The following AKR1E2 variants were observed in gnomAD, a reference collection of about 807,000 sequenced individuals.
The protein encoded by AKR1E2 is aldo-keto reductase family 1 member E2, also known as 1,5-anhydro-D-fructose reductase.
In AKR1E2, 43 loss-of-function variants were observed where a neutral mutation model predicts 41.9. The ratio of observed to expected loss-of-function variants is 1.03; its 90% CI spans 0.80 to 1.32. The LOEUF is 1.32. AKR1E2 is among the 40% of genes most tolerant of loss of function. The pLI is 0.00. For synonymous variants in AKR1E2, 121 were observed against 138.9 expected (o/e 0.87, Z 0.91); for missense variants, 423 against 396.5 (o/e 1.07, Z -0.57).
chr10:4,829,622 T>C (rs967651844), intron 1 of AKR1E2, among the ~76,000 whole-genome samples: 2 of 152,190 alleles, frequency 1.3e-5, no homozygotes, highest in African/African-American at 4.8e-5. Context: ...TCTTTAATAA[T>C]TATGTAACTA....
chr10:4,859,459 A>G, the AKR1E2 span, among the ~76,000 whole-genome samples: 48 of 152,244 alleles, frequency 3.2e-4, no homozygotes, highest in African/African-American at 1.2e-3. Flanking sequence ...GAGAGAAAGA[A>G]AAACAGTCAG....
At chr10:4,845,554 G>A (rs774111924) in intron 8 of AKR1E2, among the ~76,000 whole-genome samples, 4 of 151,482 alleles carry the variant, frequency 2.6e-5, no homozygotes, top group Non-Finnish European at 5.9e-5. Context: ...CTGCAGGGCA[G>A]CTAGGATTGC....
In AKR1E2 at chr10:4,833,442, CAT is replaced by C; in HGVS notation, c.302_303del (p.Ile101ThrfsTer19). 1.2e-6 allele frequency: 2 copies of C among 1,614,102 alleles called. No homozygotes were observed. Among genetic ancestry groups the C allele is most frequent in the Non-Finnish European group, 1.7e-6 (2 of 1,179,954 alleles). On this transcript the variant is annotated frameshift_variant, in exon 3 of 10. Coordinates refer to ENST00000298375, the MANE Select transcript of AKR1E2 (RefSeq NM_001040177.3). LOFTEE classifies it high-confidence loss of function. The part of the protein sequence containing the change: ...LKLNYLDLYL[I>X]HWPMGFKPPH... ...AGCTGAACTATTTGGACCTCTACCT[CAT>C]ACACTGGCCCATGGGTTTCAAGGTA...
chr10:4,833,391 A>C lies in AKR1E2; in HGVS notation c.249A>C (p.Ala83=), dbSNP rs1833134189. 3 of 1,614,084 alleles carry C rather than the reference A, an allele frequency of 1.9e-6. No individual in the cohort carries two copies. Among genetic ancestry groups the C allele is most frequent in the Admixed American group, 3.3e-5 (2 of 60,006 alleles). ...ATAAGAAGTCCTTGGTGGAAACAGC[A>C]TGCAGAAAGAGTCTCAAGGCCTTGA... is the stretch of plus-strand genomic sequence containing the variant. ...TCHKKSLVET[A]CRKSLKALKL... The change falls in exon 3 of 10, where the codon GCA becomes GCC. Residue 83 remains alanine (A), a synonymous_variant. Coordinates refer to ENST00000298375, the MANE Select transcript of AKR1E2 (RefSeq NM_001040177.3).
At position 4,847,660 on chromosome 10, in the gene AKR1E2, T is replaced by G; in HGVS notation, c.*130T>G. The G allele has an allele frequency of 9.5e-7, 1 of 1,050,480 alleles. No homozygotes were observed. Among genetic ancestry groups the G allele is most frequent in the Non-Finnish European group, 1.4e-6 (1 of 704,076 alleles). The allele number at this position is 1,050,480 out of a possible 1,614,324, so 65.1% of individuals were successfully genotyped here. ...CAGGAGCCACACAGTCAGAGGGGGA[T>G]GTAAGAGCCACCTTCTCTGACAAAT... On this transcript the variant is annotated 3_prime_UTR_variant, in exon 10 of 10. Coordinates refer to ENST00000298375, the MANE Select transcript of AKR1E2 (RefSeq NM_001040177.3).
chr10:4,827,075 G>GAAAAAAA (rs5782783), intron 1 of AKR1E2, among the ~76,000 whole-genome samples: 2 of 123,138 alleles, frequency 1.6e-5, no homozygotes, highest in East Asian at 2.2e-4. Flanking sequence ...GACCTTGCTG[G>GAAAAAAA]AAAAAAAAAA....
chr10:4,838,892 G>T (rs1833644712), intron 5 of AKR1E2, among the ~76,000 whole-genome samples: 1 of 152,154 alleles, frequency 6.6e-6, no homozygotes, highest in Admixed American at 6.5e-5. Context: ...GGGGTGGAGG[G>T]TCTGCTTTCT....
the AKR1E2 span, among the ~76,000 whole-genome samples, chr10:4,864,410 G>A: frequency 5.3e-5 from 8 of 152,200 alleles, no homozygotes; most frequent in East Asian, 3.9e-4. Flanking sequence ...AAATTCAACA[G>A]CCCTTCATGC....
At chr10:4,845,335 G>T (rs182653301) in intron 8 of AKR1E2, among the ~76,000 whole-genome samples, 2 of 152,210 alleles carry the variant, frequency 1.3e-5, no homozygotes, top group Non-Finnish European at 2.9e-5. Context: ...AGCCGACTCC[G>T]GCCTCGGCCA....
chr10:4,871,749 T>C, the AKR1E2 span, among the ~76,000 whole-genome samples: 8 of 152,166 alleles, frequency 5.3e-5, no homozygotes, highest in African/African-American at 1.7e-4. Context: ...TTAGATACTT[T>C]TATTTTCTGA....
At chr10:4,862,022 T>C in the AKR1E2 span, among the ~76,000 whole-genome samples, 1 of 152,206 alleles carries the variant, frequency 6.6e-6, no homozygotes, top group Non-Finnish European at 1.5e-5. Context: ...ATGTCCTGAA[T>C]GGTATTGCCT....
intron 4 of AKR1E2, among the ~76,000 whole-genome samples, chr10:4,836,827 G>T (rs952413950): frequency 2.0e-4 from 31 of 152,220 alleles, no homozygotes; most frequent in African/African-American, 7.0e-4. Context: ...TAACTGCTGC[G>T]TGTTGGCCCA....
upstream of AKR1E2, chr10:4,824,985 C>T (rs1832367819): frequency 2.2e-6 from 1 of 455,206 alleles, no homozygotes; most frequent in South Asian, 1.6e-5. Context: ...GAGGGCAAGG[C>T]CCATGCAGGT....
intron 2 of AKR1E2, 30 bp downstream of exon 2, chr10:4,830,872 GC>G (rs768192652): frequency 6.2e-6 from 10 of 1,613,148 alleles, no homozygotes. Context: ...GGCTGGCAGA[GC>G]TTGGGTAATG....
chr10:4,857,865 C>T, the AKR1E2 span, among the ~76,000 whole-genome samples: 1 of 151,894 alleles, frequency 6.6e-6, no homozygotes, highest in Non-Finnish European at 1.5e-5. Flanking sequence ...TGAGTCTTAT[C>T]ATTTTTTAAT....
At chr10:4,861,446 C>T in the AKR1E2 span, among the ~76,000 whole-genome samples, 1 of 152,056 alleles carries the variant, frequency 6.6e-6, no homozygotes, top group Non-Finnish European at 1.5e-5. Flanking sequence ...TCTTGGCTCA[C>T]TGCAACCTCT....
chr10:4,846,064 A>G lies in AKR1E2; in HGVS notation c.838-1084A>G, dbSNP rs1200395325. On this transcript the variant is annotated intron_variant, in intron 8 of 9. Coordinates refer to ENST00000298375, the MANE Select transcript of AKR1E2 (RefSeq NM_001040177.3). ...GCTGCTGCAAGGCTGCCTACCCTTT[A>G]TAAGGAGTCTTCTAGAACTGCTTGC... 4.8e-5 allele frequency: 17 copies of G among 355,928 alleles called. 1 individual carries two copies. Among genetic ancestry groups the G allele is most frequent in the South Asian group, 3.1e-4 (15 of 47,982 alleles). 22.0% of individuals were successfully genotyped at this position (355,928 alleles called of 1,614,324 possible).
At chr10:4,863,106 G>A in the AKR1E2 span, among the ~76,000 whole-genome samples, 6 of 152,084 alleles carry the variant, frequency 3.9e-5, no homozygotes, top group African/African-American at 1.4e-4. Flanking sequence ...TGCACCAAGT[G>A]GACCTAATAG....
intron 8 of AKR1E2, 142 bp from the exon 9 acceptor site, chr10:4,847,006 G>C: frequency 1.2e-6 from 1 of 857,888 alleles, no homozygotes. Flanking sequence ...TGTGATTCAG[G>C]GAAGTTCCAA....
Sources: gnomAD v4.1 joint callset for allele counts (sites outside exome capture counted in the v4.1 genomes callset) on GRCh38, gnomAD v4.1.1 for gene constraint, MANE v1.5 for transcripts, NCBI Gene and HGNC (gene_info 2026-07-23, HGNC 2026-07-21) for gene names.